The following KDM2A variants were observed in gnomAD, a reference collection of about 807,000 sequenced individuals.
KDM2A encodes lysine-specific demethylase 2A.
Under a neutral mutation model 137.3 loss-of-function variants are expected in KDM2A, and 3 were observed. That is an observed-to-expected ratio of 0.02 (90% CI 0.01 to 0.06). KDM2A has a LOEUF of 0.06. KDM2A is among the 10% of genes least tolerant of loss of function. The pLI, the probability that KDM2A is intolerant of heterozygous loss-of-function variation, is 1.00. For missense variants in KDM2A, 738 were observed against 1,510.6 expected, an observed-to-expected ratio of 0.49 and a Z score of 8.48; for synonymous variants, 512 against 541.5, an observed-to-expected ratio of 0.95 and a Z score of 0.76.
At chr11:67,235,339 T>C (rs1213055644) in intron 12 of KDM2A, among the ~76,000 whole-genome samples, 1 of 150,198 alleles carries the variant, frequency 6.7e-6, no homozygotes, top group African/African-American at 2.5e-5. Flanking sequence ...AGTTTCACTG[T>C]TTTTGCCCAG....
intron 17 of KDM2A, among the ~76,000 whole-genome samples, chr11:67,251,251 T>G (rs1454315573): frequency 1.3e-5 from 2 of 152,204 alleles, no homozygotes; most frequent in Admixed American, 6.5e-5. Flanking sequence ...GTGAGAGAAG[T>G]GGGCATGCTT....
At chr11:67,142,359 T>G (rs1011788436) in intron 2 of KDM2A, among the ~76,000 whole-genome samples, 4 of 147,732 alleles carry the variant, frequency 2.7e-5, no homozygotes, top group Admixed American at 1.3e-4. Context: ...TTTTAGGGCA[T>G]TAAAAATAAG....
chr11:67,239,533 C>T (rs1475966235), intron 12 of KDM2A, among the ~76,000 whole-genome samples: 2 of 152,184 alleles, frequency 1.3e-5, no homozygotes, highest in African/African-American at 4.8e-5. Context: ...GCAGGTGAAG[C>T]AGGCAGTGTG....
chr11:67,166,903 C>T (rs950892761), intron 2 of KDM2A, among the ~76,000 whole-genome samples: 1 of 152,060 alleles, frequency 6.6e-6, no homozygotes, highest in African/African-American at 2.4e-5. Context: ...GTGGCGAGAC[C>T]TCGTCTCTAC....
chr11:67,188,135 G>C (rs953239070), intron 5 of KDM2A, among the ~76,000 whole-genome samples: 1 of 152,128 alleles, frequency 6.6e-6, no homozygotes, highest in African/African-American at 2.4e-5. Context: ...AGGCTGTTCT[G>C]ATCACACCAC....
chr11:67,190,417 A>C (rs1394413017), intron 5 of KDM2A, among the ~76,000 whole-genome samples: 1 of 152,162 alleles, frequency 6.6e-6, no homozygotes, highest in Non-Finnish European at 1.5e-5. Context: ...ACTCAAAAAA[A>C]GAAAGTGAAA....
intron 5 of KDM2A, among the ~76,000 whole-genome samples, chr11:67,197,990 G>GT (rs1555089814): frequency 5.6e-5 from 1 of 18,018 alleles, no homozygotes; most frequent in African/African-American, 1.2e-4. Context: ...TTACAATAAA[G>GT]TAAGATAAAA....
chr11:67,241,154 C>T (rs1859029032), intron 12 of KDM2A, among the ~76,000 whole-genome samples: 3 of 152,098 alleles, frequency 2.0e-5, no homozygotes, highest in Admixed American at 6.6e-5. Flanking sequence ...TTCGTCAGTG[C>T]GAAGTGGGGG....
At chr11:67,170,831 TC>T (rs1856867162) in intron 2 of KDM2A, among the ~76,000 whole-genome samples, 1 of 152,150 alleles carries the variant, frequency 6.6e-6, no homozygotes, top group African/African-American at 2.4e-5. Flanking sequence ...GACAATTTCT[TC>T]CGGTTACCTT....
intron 5 of KDM2A, among the ~76,000 whole-genome samples, chr11:67,192,256 A>G (rs1565396802): frequency 6.6e-6 from 1 of 152,098 alleles, no homozygotes; most frequent in African/African-American, 2.4e-5. Context: ...GTAGACATGC[A>G]TATTGCTTTG....
At chr11:67,220,334 C>A (rs1193536889) in intron 10 of KDM2A, among the ~76,000 whole-genome samples, 2 of 152,082 alleles carry the variant, frequency 1.3e-5, no homozygotes, top group East Asian at 3.9e-4. Flanking sequence ...TTTATAAGGC[C>A]AGACATTTAC....
intron 2 of KDM2A, among the ~76,000 whole-genome samples, chr11:67,163,072 TCTC>T (rs372248975): frequency 1.2e-3 from 185 of 152,322 alleles, no homozygotes; most frequent in African/African-American, 4.1e-3. Flanking sequence ...TTACTTCTCT[TCTC>T]CTTTAGTTTG....
In KDM2A at chr11:67,207,701, AT is replaced by A; in HGVS notation, c.486+17del. On this transcript the variant is annotated intron_variant, in intron 6 of 20. Coordinates refer to ENST00000529006, the MANE Select transcript of KDM2A (RefSeq NM_012308.3). ...GAGGCCCTCCACGGTTAGTGTAATC[AT>A]TTTCTTCATATTGTCATTGTCACCA... 6.3e-7 allele frequency: 1 copy of A among 1,574,836 alleles called. No individual in the cohort carries two copies. Among genetic ancestry groups the A allele is most frequent in the Non-Finnish European group, 8.7e-7 (1 of 1,155,598 alleles).
chr11:67,127,387 C>CT (rs1855754802), intron 2 of KDM2A, among the ~76,000 whole-genome samples: 1 of 152,002 alleles, frequency 6.6e-6, no homozygotes, highest in Non-Finnish European at 1.5e-5. Flanking sequence ...TCCCAAAGTG[C>CT]TGGGAGTACA....
At chr11:67,251,069 G>C (rs564185940) in intron 17 of KDM2A, among the ~76,000 whole-genome samples, 1 of 152,260 alleles carries the variant, frequency 6.6e-6, no homozygotes. Flanking sequence ...TTGCGGGATA[G>C]ATTTGTAGTC....
At chr11:67,181,285 C>T (rs753518729) in intron 3 of KDM2A, 35 bp from the exon 4 acceptor site, 12 of 1,384,922 alleles carry the variant, frequency 8.7e-6, no homozygotes, top group South Asian at 3.6e-5. Context: ...TTTAATTATA[C>T]CACTTATCTT....
chr11:67,137,392 C>T (rs1855991612), intron 2 of KDM2A, among the ~76,000 whole-genome samples: 1 of 151,996 alleles, frequency 6.6e-6, no homozygotes, highest in Non-Finnish European at 1.5e-5. Context: ...AATTAGGAGG[C>T]TATTATATTG....
At chr11:67,229,695 C>T (rs986181788) in intron 11 of KDM2A, among the ~76,000 whole-genome samples, 6 of 150,760 alleles carry the variant, frequency 4.0e-5, no homozygotes, top group Non-Finnish European at 8.8e-5. Flanking sequence ...ATGGTGAAAC[C>T]CTGTCTCTAC....
At chr11:67,187,683 C>T (rs529147726) in intron 5 of KDM2A, among the ~76,000 whole-genome samples, 2 of 152,154 alleles carry the variant, frequency 1.3e-5, no homozygotes, top group South Asian at 2.1e-4. Flanking sequence ...AAGCGATTCT[C>T]CTGCCTCAGC....
Sources: allele counts gnomAD v4.1 joint callset (sites outside exome capture counted in the v4.1 genomes callset), GRCh38; gene constraint gnomAD v4.1.1; transcripts MANE v1.5; gene names NCBI Gene and HGNC (gene_info 2026-07-23, HGNC 2026-07-21).